The following FAR2 variants were observed in gnomAD, a reference collection of about 807,000 sequenced individuals.
FAR2 encodes the protein epididymis secretory protein Li 81.
In FAR2, 19 loss-of-function variants were observed where a neutral mutation model predicts 56.0. The observed-to-expected ratio is 0.34, with a 90% CI of 0.24 to 0.50. The LOEUF is 0.50. Ranked by LOEUF, FAR2 falls within the 20% of genes least tolerant of loss-of-function variation. The probability of loss-of-function intolerance (pLI) is 0.98; values close to 1 mark genes in which losing one functional copy is unlikely to be tolerated. For synonymous variants in FAR2, 219 were observed against 218.8 expected (o/e 1.00, Z -0.01); for missense variants, 508 against 642.2 (o/e 0.79, Z 2.26).
intron 1 of FAR2, among the ~76,000 whole-genome samples, chr12:29,215,367 G>GT: frequency 1.3e-5 from 2 of 152,316 alleles, no homozygotes; most frequent in Admixed American, 1.3e-4. Context: ...AGAAATGTTT[G>GT]TAAGAAGATG....
intron 1 of FAR2, among the ~76,000 whole-genome samples, chr12:29,185,960 C>T (rs556990671): frequency 4.1e-4 from 63 of 152,126 alleles, no homozygotes; most frequent in Non-Finnish European, 7.6e-4. Context: ...ATGTTCTGGG[C>T]TTAGCATTAG....
chr12:29,168,633 T>A (rs540263414), intron 1 of FAR2, among the ~76,000 whole-genome samples: 1 of 152,038 alleles, frequency 6.6e-6, no homozygotes, highest in East Asian at 1.9e-4. Context: ...GTGTCTGGAG[T>A]TTGTTCCTTC....
At chr12:29,321,573 T>G (rs992220409) in intron 9 of FAR2, among the ~76,000 whole-genome samples, 2 of 152,200 alleles carry the variant, frequency 1.3e-5, no homozygotes, top group Non-Finnish European at 2.9e-5. Flanking sequence ...AGTCTGGTAT[T>G]AAATGCCTAA....
At chr12:29,195,173 C>T (rs999376853) in intron 1 of FAR2, among the ~76,000 whole-genome samples, 2 of 152,198 alleles carry the variant, frequency 1.3e-5, no homozygotes, top group Non-Finnish European at 2.9e-5. Flanking sequence ...TTTTCTGACG[C>T]AGTCCTTCTT....
chr12:29,258,114 C>G (rs893149695), intron 1 of FAR2, among the ~76,000 whole-genome samples: 3 of 151,256 alleles, frequency 2.0e-5, no homozygotes, highest in South Asian at 2.1e-4. Context: ...GAGGCTGAGG[C>G]GGGTGGATCA....
chr12:29,241,272 T>A (rs1948029930), intron 1 of FAR2, among the ~76,000 whole-genome samples: 1 of 152,216 alleles, frequency 6.6e-6, no homozygotes, highest in South Asian at 2.1e-4. Flanking sequence ...TGTATACATG[T>A]CTCCACTTCA....
chr12:29,257,849 C>G (rs1221030032), intron 1 of FAR2, among the ~76,000 whole-genome samples: 1 of 152,312 alleles, frequency 6.6e-6, no homozygotes, highest in East Asian at 1.9e-4. Context: ...GGGCTTCATT[C>G]TTGAAGTCAG....
intron 10 of FAR2, among the ~76,000 whole-genome samples, chr12:29,322,549 A>C (rs1290689143): frequency 6.6e-6 from 1 of 152,140 alleles, no homozygotes; most frequent in Non-Finnish European, 1.5e-5. Context: ...AGCACCACTT[A>C]TTTCTTTAAC....
At chr12:29,269,501 A>G (rs938501558) in intron 1 of FAR2, among the ~76,000 whole-genome samples, 2 of 152,232 alleles carry the variant, frequency 1.3e-5, no homozygotes, top group African/African-American at 4.8e-5. Context: ...CTGAGGCGAC[A>G]TACATCCTCC....
Position 29,326,847 on chromosome 12 carries a change from C to T in FAR2, c.1257+4923C>T, listed in dbSNP as rs941664324. Among the ~76,000 whole-genome samples, 65 of 152,072 alleles carry T rather than the reference C, an allele frequency of 4.3e-4. 1 individual carries two copies. The highest frequency in any genetic ancestry group is 1.3e-3 in the African/African-American group (53 of 41,398). Reference sequence around the variant, plus strand: ...ATTCCCTTTGAAAACTGGCACAAGACAGGGATGCCCTCTCTCACCACTCCT... The same window carrying T: ...ATTCCCTTTGAAAACTGGCACAAGATAGGGATGCCCTCTCTCACCACTCCT... On this transcript the variant is annotated intron_variant, in intron 10 of 11. Transcript: ENST00000536681.
intron 4 of FAR2, among the ~76,000 whole-genome samples, chr12:29,302,236 G>GA (rs57752714): frequency 0.011 from 1,047 of 93,066 alleles, 43 homozygotes; most frequent in East Asian, 0.019. Context: ...CATCTCAAAG[G>GA]AAAAAAAAAA....
chr12:29,203,415 T>A (rs1364651566), intron 1 of FAR2, among the ~76,000 whole-genome samples: 1 of 152,182 alleles, frequency 6.6e-6, no homozygotes, highest in Non-Finnish European at 1.5e-5. Flanking sequence ...TAATTCTTGG[T>A]TTTTGGTACA....
intron 1 of FAR2, among the ~76,000 whole-genome samples, chr12:29,226,080 T>C (rs576285224): frequency 3.9e-5 from 6 of 152,344 alleles, no homozygotes; most frequent in Non-Finnish European, 7.3e-5. Context: ...TGTTACCTCA[T>C]GGAGTTATTG....
chr12:29,218,356 C>A (rs1288464088), intron 1 of FAR2, among the ~76,000 whole-genome samples: 2 of 111,090 alleles, frequency 1.8e-5, no homozygotes, highest in Middle Eastern at 5.6e-3. Flanking sequence ...AAGACTCCGT[C>A]TCAAAAAAAA....
chr12:29,308,031 T>C (rs557771803), intron 5 of FAR2, 196 bp downstream of exon 5: 106 of 537,664 alleles, frequency 2.0e-4, no homozygotes, highest in Non-Finnish European at 3.2e-6. Context: ...CCTCTGGCAG[T>C]TATCTTGACT....
intron 1 of FAR2, among the ~76,000 whole-genome samples, chr12:29,183,703 C>G (rs1051762791): frequency 1.3e-5 from 2 of 152,120 alleles, no homozygotes; most frequent in Admixed American, 1.3e-4. Flanking sequence ...TGTAGTACAG[C>G]TTTTATGTTC....
In FAR2 at chr12:29,293,465, G is replaced by T; in HGVS notation, c.355G>T (p.Asp119Tyr). Residue 119 changes from aspartate to tyrosine, a missense_variant, in exon 3 of 12, where the codon GAC becomes TAC. Coordinates refer to ENST00000536681, the MANE Select transcript of FAR2 (RefSeq NM_001271783.2). The part of the protein sequence containing the change: ...FHCAATVRFD[D>Y]TLRHAVQLNV... ...CTGTGCAGCCACTGTACGCTTTGAC[G>T]ACACTCTCAGGTACATTCCCATTTC... 6.4e-7 allele frequency: 1 copy of T among 1,569,710 alleles called. No homozygotes were observed. The highest frequency in any genetic ancestry group is 8.6e-7 in the Non-Finnish European group (1 of 1,158,350).
At chr12:29,149,791 C>T (rs565660944) in intron 1 of FAR2, among the ~76,000 whole-genome samples, 52 of 152,296 alleles carry the variant, frequency 3.4e-4, no homozygotes, top group Admixed American at 9.8e-4. Flanking sequence ...CGAGTCCCAC[C>T]CAGGCCTCCT....
chr12:29,241,282 A>G (rs537276863), intron 1 of FAR2, among the ~76,000 whole-genome samples: 1 of 152,212 alleles, frequency 6.6e-6, no homozygotes, highest in African/African-American at 2.4e-5. Flanking sequence ...TCTCCACTTC[A>G]TCTTTTTTTT....
Sources: allele counts gnomAD v4.1 joint callset (sites outside exome capture counted in the v4.1 genomes callset), GRCh38; gene constraint gnomAD v4.1.1; transcripts MANE v1.5; gene names NCBI Gene and HGNC (gene_info 2026-07-23, HGNC 2026-07-21).